Variants in TIAM1 observed in about 807,000 individuals in gnomAD.
TIAM1 encodes the protein rho guanine nucleotide exchange factor TIAM1.
In TIAM1, 65 loss-of-function variants were observed where a neutral mutation model predicts 163.5. The observed-to-expected ratio is 0.40, with a 90% confidence interval of 0.33 to 0.49. The LOEUF is 0.49. Ranked by LOEUF, TIAM1 falls within the 20% of genes least tolerant of loss-of-function variation. TIAM1 has a pLI of 0.77. For synonymous variants in TIAM1, 833 were observed against 810.1 expected (o/e 1.03, Z -0.48); for missense variants, 1,789 against 2,044.7 (o/e 0.87, Z 2.41).
chr21:31,234,779 CT>C (rs1376085542), intron 6 of TIAM1, among the ~76,000 whole-genome samples: 1 of 382 alleles, frequency 2.6e-3, no homozygotes, highest in African/African-American at 0.01. Context: ...GAGACCCTGT[CT>C]CCAAAAAAAA....
At chr21:31,183,262 C>T (rs80278912) in intron 14 of TIAM1, among the ~76,000 whole-genome samples, 5,748 of 152,068 alleles carry the variant, frequency 0.038, 313 homozygotes, top group African/African-American at 0.12. Context: ...TTTGGTAGAT[C>T]CCCAAAGGAT....
At chr21:31,306,944 T>C (rs1419401962) in intron 2 of TIAM1, among the ~76,000 whole-genome samples, 1 of 152,116 alleles carries the variant, frequency 6.6e-6, no homozygotes, top group African/African-American at 2.4e-5. Flanking sequence ...ACTAATGTCT[T>C]TGGTAAGAGC....
At chr21:31,375,174 A>G (rs1043450128) in intron 2 of TIAM1, among the ~76,000 whole-genome samples, 2 of 152,220 alleles carry the variant, frequency 1.3e-5, no homozygotes, top group Non-Finnish European at 2.9e-5. Context: ...AACATCCAGT[A>G]TGCGGTTGGC....
chr21:31,495,688 G>T (rs1057388378), intron 1 of TIAM1, among the ~76,000 whole-genome samples: 1 of 152,226 alleles, frequency 6.6e-6, no homozygotes, highest in African/African-American at 2.4e-5. Flanking sequence ...TTACAATGGA[G>T]GCCAGGCGCA....
At chr21:31,259,629 A>AAATAATAATAATAATAATAAT (rs61401734) in intron 4 of TIAM1, among the ~76,000 whole-genome samples, 1 of 146,256 alleles carries the variant, frequency 6.8e-6, no homozygotes, top group Admixed American at 6.8e-5. Context: ...TAAAAAAATA[A>AAATAATAATAATAATAATAAT]AATAATAATA....
At chr21:31,528,261 T>C (rs561310836) in intron 1 of TIAM1, among the ~76,000 whole-genome samples, 2 of 152,098 alleles carry the variant, frequency 1.3e-5, no homozygotes, top group Non-Finnish European at 2.9e-5. Context: ...ATCCCTATAC[T>C]CCCAGCACTT....
chr21:31,242,465 T>G (rs1307388945), intron 6 of TIAM1, among the ~76,000 whole-genome samples: 1 of 152,112 alleles, frequency 6.6e-6, no homozygotes, highest in African/African-American at 2.4e-5. Context: ...GAGGCTGCAG[T>G]GAGCTGTGAT....
At chr21:31,459,825 T>A (rs2045257207) in intron 2 of TIAM1, among the ~76,000 whole-genome samples, 1 of 152,156 alleles carries the variant, frequency 6.6e-6, no homozygotes, top group African/African-American at 2.4e-5. Flanking sequence ...CTCTCTCATA[T>A]TTTATTTGTG....
At chr21:31,493,919 CT>C (rs555850196) in intron 1 of TIAM1, among the ~76,000 whole-genome samples, 224 of 134,898 alleles carry the variant, frequency 1.7e-3, no homozygotes, top group African/African-American at 6.7e-3. Context: ...AGATCTATTT[CT>C]TTTTTAAAAA....
chr21:31,320,290 G>A (rs1383962063), intron 2 of TIAM1, among the ~76,000 whole-genome samples: 2 of 152,110 alleles, frequency 1.3e-5, no homozygotes, highest in Non-Finnish European at 2.9e-5. Flanking sequence ...GGAGGTTACC[G>A]GGGCAGGGAG....
At chr21:31,346,372 C>A (rs760901766), upstream of TIAM1, among the ~76,000 whole-genome samples, 1 of 152,176 alleles carries the variant, frequency 6.6e-6, no homozygotes, top group South Asian at 2.1e-4. Flanking sequence ...GAGAACCATA[C>A]ATATGGGCTC....
chr21:31,141,303 G>A lies in TIAM1; in HGVS notation c.3655+22C>T, dbSNP rs545990530. ...CCCTCATGGAGACTCAGGCCTGCCG[G>A]GGGTCCCAGGCCGAGGCCTACCGTC... is the stretch of plus-strand genomic sequence containing the variant. On this transcript the variant is annotated intron_variant, in intron 21 of 27. Transcript: ENST00000541036. This position sits in a 1 kb window ranked among gnomAD's most constrained non-coding sequence, Gnocchi z 4.7. 3.5e-5 allele frequency: 57 copies of A among 1,613,730 alleles called. No homozygotes were observed. In the African/African-American group the frequency reaches 6.0e-4, roughly 17 times the overall value.
At chr21:31,188,390 TTTAAGTTACA>T (rs2085397405) in intron 13 of TIAM1, among the ~76,000 whole-genome samples, 1 of 152,058 alleles carries the variant, frequency 6.6e-6, no homozygotes, top group African/African-American at 2.4e-5. Flanking sequence ...ACAAGAACCA[TTTAAGTTACA>T]TTAGCCTTAA....
chr21:31,407,545 G>A (rs972027703), intron 2 of TIAM1, among the ~76,000 whole-genome samples: 11 of 151,898 alleles, frequency 7.2e-5, no homozygotes, highest in East Asian at 5.8e-4. Flanking sequence ...AAGAAAGTCC[G>A]TGGCTCGACC....
intron 1 of TIAM1, among the ~76,000 whole-genome samples, chr21:31,503,036 G>C (rs926977310): frequency 6.6e-6 from 1 of 152,184 alleles, no homozygotes; most frequent in African/African-American, 2.4e-5. Context: ...GTATGTTGCA[G>C]TGACATGGCT....
At chr21:31,166,187 A>C (rs1568953502) in intron 15 of TIAM1, among the ~76,000 whole-genome samples, 1 of 152,230 alleles carries the variant, frequency 6.6e-6, no homozygotes, top group Non-Finnish European at 1.5e-5. Flanking sequence ...CACACTTGGA[A>C]TAGAAAGACT....
chr21:31,322,456 G>GC (rs1555936125), intron 2 of TIAM1, among the ~76,000 whole-genome samples: 1 of 140,938 alleles, frequency 7.1e-6, no homozygotes, highest in Non-Finnish European at 1.6e-5. Context: ...GGTGGGGGGG[G>GC]GTGCCATCAT....
chr21:31,196,372 C>A (rs1490829935), intron 12 of TIAM1, among the ~76,000 whole-genome samples: 2 of 149,848 alleles, frequency 1.3e-5, no homozygotes, highest in East Asian at 3.9e-4. Flanking sequence ...AGTGCAGTGG[C>A]GCGATCTCGG....
intron 2 of TIAM1, among the ~76,000 whole-genome samples, chr21:31,420,933 C>T (rs1398835471): frequency 6.6e-6 from 1 of 151,966 alleles, no homozygotes; most frequent in Non-Finnish European, 1.5e-5. Flanking sequence ...ACCAGCCTGG[C>T]CAACATGGTG....
Sources: allele counts gnomAD v4.1 joint callset (sites outside exome capture counted in the v4.1 genomes callset), GRCh38; gene constraint gnomAD v4.1.1; non-coding constraint Gnocchi (gnomAD v3.1); transcripts MANE v1.5; gene names NCBI Gene and HGNC (gene_info 2026-07-23, HGNC 2026-07-21).